LAMC3: variants seen among roughly 807,000 people sequenced by gnomAD.
LAMC3 encodes laminin subunit gamma 3.
LAMC3 carries 128 observed loss-of-function variants against 173.8 expected under a neutral mutation model. That is an observed-to-expected ratio of 0.74 (90% CI 0.64 to 0.85). LAMC3 has a LOEUF of 0.85. Among genes scored for constraint, LAMC3 ranks in the 40% least tolerant of loss-of-function variants. The pLI is 0.00. For synonymous variants in LAMC3, 897 were observed against 909.1 expected (o/e 0.99, Z 0.24); for missense variants, 2,022 against 2,156.0 (o/e 0.94, Z 1.23).
chr9:131,029,431 G>C lies in LAMC3; in HGVS notation c.679-2614G>C, dbSNP rs7847482. 1 allele frequency among the ~76,000 whole-genome samples: 151,837 copies of C among 152,360 alleles called. 75,658 individuals are homozygous for C. The highest frequency in any genetic ancestry group is 1 in the Middle Eastern group (294 of 294). On this transcript the variant is annotated intron_variant, in intron 2 of 27. Coordinates refer to ENST00000361069, the MANE Select transcript of LAMC3 (RefSeq NM_006059.4). This position sits in a 1 kb window ranked among gnomAD's most constrained non-coding sequence, Gnocchi z 4.6. ...CACCTGCGTCTGTGCAGCCACCACC[G>C]TGGGGACACCCTTGGCTGTTGGAGG...
rs375541717 is a variant in LAMC3 at position 131,075,901 on chromosome 9, G to A, written c.3565G>A (p.Ala1189Thr). 2.2e-5 allele frequency: 36 copies of A among 1,612,260 alleles called. No homozygotes were observed. Among genetic ancestry groups the A allele is most frequent in the South Asian group, 8.8e-5 (8 of 90,832 alleles). The change falls in exon 21 of 28, where the codon GCG (alanine) becomes ACG (threonine). Residue 1189 changes from alanine (A) to threonine (T), a missense_variant. By Grantham distance (58) the Ala-to-Thr change is moderately conservative. Coordinates refer to ENST00000361069, the MANE Select transcript of LAMC3 (RefSeq NM_006059.4). ...CCTGCTCGCCTCCAACACCAGCTAC[G>A]CGCTTCTCTGGAATCTGCTGGAGGG... ...RALLASNTSYALLWNLLEGRV... is the reference protein window; with the variant it reads ...RALLASNTSYTLLWNLLEGRV...
rs755119233 is a variant in LAMC3, at chr9:131,087,640, C to G, written c.4377+18C>G. 3.7e-6 allele frequency: 6 copies of G among 1,613,840 alleles called. No individual in the cohort carries two copies. Among genetic ancestry groups the G allele is most frequent in the Non-Finnish European group, 5.1e-6 (6 of 1,179,872 alleles). ...CTGAGCGGGTACGTTTGCCAGGGCC[C>G]CTACCCTATCGCCTCCTGCCCCTGG... On this transcript the variant is annotated intron_variant, in intron 26 of 27. Transcript: ENST00000361069.
chr9:131,085,536 A>T lies in LAMC3; in HGVS notation c.4043A>T (p.Gln1348Leu), dbSNP rs780819981. Reference sequence around the variant, plus strand: ...GCCGGGTTTGCAGGAATGAAGCTGCAGTTTCCCCGGCCCAAGGACCAGGCG... The same window carrying T: ...GCCGGGTTTGCAGGAATGAAGCTGCTGTTTCCCCGGCCCAAGGACCAGGCG... ...LLADLEGMKLQFPRPKDQAAL... is the reference protein window; with the variant it reads ...LLADLEGMKLLFPRPKDQAAL... Residue 1348 changes from glutamine to leucine, a missense_variant, in exon 25 of 28, where the codon CAG becomes CTG. Transcript: ENST00000361069. 1.2e-6 allele frequency: 2 copies of T among 1,613,952 alleles called. No homozygotes were observed. The highest frequency in any genetic ancestry group is 1.7e-6 in the Non-Finnish European group (2 of 1,180,020).
chr9:131,055,209 A>T (rs1169756342), intron 11 of LAMC3, among the ~76,000 whole-genome samples: 1 of 152,094 alleles, frequency 6.6e-6, no homozygotes, highest in Non-Finnish European at 1.5e-5. Flanking sequence ...CACACTGCCA[A>T]ATTTTCCTTC....
chr9:131,079,427 G>T, intron 23 of LAMC3, 129 bp downstream of exon 23: 1 of 1,080,222 alleles, frequency 9.3e-7, no homozygotes, highest in Non-Finnish European at 1.4e-6. Flanking sequence ...GGGTGTAGTG[G>T]CTCACACCTG....
At chr9:131,018,212 G>A (rs1454297432) in intron 1 of LAMC3, among the ~76,000 whole-genome samples, 2 of 148,550 alleles carry the variant, frequency 1.3e-5, no homozygotes, top group Non-Finnish European at 3.0e-5. Context: ...TCGGCTCACT[G>A]CAACCTCTGC....
chr9:131,010,121 T>C (rs1418857570), intron 1 of LAMC3, among the ~76,000 whole-genome samples: 2 of 122,728 alleles, frequency 1.6e-5, no homozygotes, highest in Middle Eastern at 6.3e-3. Flanking sequence ...ACCACCGTTC[T>C]CCAGCCTGGG....
At chr9:131,048,047 ATTTT>A (rs59291636) in intron 8 of LAMC3, among the ~76,000 whole-genome samples, 9,630 of 52,200 alleles carry the variant, frequency 0.18, 254 homozygotes, top group Admixed American at 0.26. Flanking sequence ...CACCCAGCTG[ATTTT>A]TTTTTTTTTT....
chr9:131,057,950 G>A (rs890354702), intron 12 of LAMC3, among the ~76,000 whole-genome samples: 6 of 152,150 alleles, frequency 3.9e-5, no homozygotes, highest in African/African-American at 1.4e-4. Context: ...ACATCCCTGC[G>A]GGGCCGGGAC....
In LAMC3 at chr9:131,067,131, G is replaced by T; in HGVS notation, c.2519G>T (p.Gly840Val). 2 of 1,614,192 alleles carry T rather than the reference G, an allele frequency of 1.2e-6. No individual in the cohort carries two copies. Among genetic ancestry groups the T allele is most frequent in the Non-Finnish European group, 8.5e-7 (1 of 1,180,032 alleles). The change falls in exon 14 of 28, where the codon GGT (glycine) becomes GTT (valine). Residue 840 changes from glycine (G) to valine (V), a missense_variant. Coordinates refer to ENST00000361069, the MANE Select transcript of LAMC3 (RefSeq NM_006059.4). ...HCLRCLHNTT[G>V]DHCEHCQEGF... ...CTGCGCTGCCTGCACAACACCACGGGTGACCACTGTGAGCACTGTCAGGAA... is the reference window on the plus strand; with the variant it reads ...CTGCGCTGCCTGCACAACACCACGGTTGACCACTGTGAGCACTGTCAGGAA...
chr9:131,037,501 T>A (rs1833968406), intron 4 of LAMC3, among the ~76,000 whole-genome samples: 1 of 152,162 alleles, frequency 6.6e-6, no homozygotes, highest in Non-Finnish European at 1.5e-5. Context: ...CTCCCCTAAC[T>A]GCAGCTAAGG....
intron 11 of LAMC3, among the ~76,000 whole-genome samples, chr9:131,056,277 TTA>T (rs1325745323): frequency 6.6e-6 from 1 of 152,072 alleles, no homozygotes; most frequent in African/African-American, 2.4e-5. Flanking sequence ...TAGCATTCAG[TTA>T]TGAGTAGCCC....
chr9:131,078,625 T>TA (rs796937281), intron 22 of LAMC3, among the ~76,000 whole-genome samples: 51 of 152,320 alleles, frequency 3.3e-4, no homozygotes, highest in African/African-American at 1.2e-3. Context: ...GCACAGCTGT[T>TA]AGTGTGTTTG....
At chr9:131,018,981 A>T (rs1049372661) in intron 1 of LAMC3, among the ~76,000 whole-genome samples, 3 of 152,154 alleles carry the variant, frequency 2.0e-5, no homozygotes, top group African/African-American at 7.2e-5. Context: ...TGCCTGTCTC[A>T]TCTGGGCACG....
chr9:131,041,075 G>T (rs1834044221), intron 6 of LAMC3, among the ~76,000 whole-genome samples: 1 of 152,044 alleles, frequency 6.6e-6, no homozygotes, highest in African/African-American at 2.4e-5. Flanking sequence ...TAGACAGAAA[G>T]ATTCATGGAG....
intron 3 of LAMC3, among the ~76,000 whole-genome samples, 180 bp downstream of exon 3, chr9:131,032,355 G>A (rs1430807495): frequency 2.6e-5 from 4 of 152,028 alleles, no homozygotes; most frequent in Non-Finnish European, 1.5e-5. Flanking sequence ...CTCCTGCCGG[G>A]TCCCCTGCAT....
At chr9:131,013,088 C>A (rs1229530631) in intron 1 of LAMC3, among the ~76,000 whole-genome samples, 2 of 152,208 alleles carry the variant, frequency 1.3e-5, no homozygotes, top group African/African-American at 2.4e-5. Context: ...TCACCGTGTA[C>A]CAAGGACTCG....
intron 25 of LAMC3, among the ~76,000 whole-genome samples, chr9:131,087,243 T>C (rs1830347261): frequency 6.6e-6 from 1 of 152,216 alleles, no homozygotes; most frequent in South Asian, 2.1e-4. Context: ...TGCCTCTGTT[T>C]CCTCACCTGT....
intron 14 of LAMC3, 91 bp downstream of exon 14, chr9:131,067,296 C>G: frequency 6.5e-7 from 1 of 1,532,194 alleles, no homozygotes; most frequent in South Asian, 1.1e-5. Context: ...GGCTGAGGAA[C>G]CCACCAGAAC....
Sources: allele counts gnomAD v4.1 joint callset (sites outside exome capture counted in the v4.1 genomes callset), GRCh38; gene constraint gnomAD v4.1.1; non-coding constraint Gnocchi (gnomAD v3.1); transcripts MANE v1.5; gene names NCBI Gene and HGNC (gene_info 2026-07-23, HGNC 2026-07-21).